The following APBB2 variants were observed in gnomAD, a reference collection of about 807,000 sequenced individuals.
APBB2 encodes amyloid beta precursor protein binding family B member 2.
In APBB2, 38 loss-of-function variants were observed where a neutral mutation model predicts 82.5. That is an observed-to-expected ratio of 0.46 (90% confidence interval 0.36 to 0.60). The LOEUF (loss-of-function observed/expected upper bound fraction) is 0.60. Among genes scored for constraint, APBB2 ranks in the 20% least tolerant of loss-of-function variants. APBB2 has a pLI of 0.00. For synonymous variants in APBB2, 341 were observed against 368.2 expected (o/e 0.93, Z 0.85); for missense variants, 772 against 972.3 (o/e 0.79, Z 2.74).
chr4:41,159,187 T>C (rs1401625690), intron 1 of APBB2, among the ~76,000 whole-genome samples: 3 of 152,228 alleles, frequency 2.0e-5, no homozygotes, highest in African/African-American at 4.8e-5. Flanking sequence ...GCTGCATCTG[T>C]ACAAGAGAAA....
intron 10 of APBB2, among the ~76,000 whole-genome samples, chr4:40,918,987 C>T (rs1436496226): frequency 6.6e-6 from 1 of 151,960 alleles, no homozygotes; most frequent in African/African-American, 2.4e-5. Flanking sequence ...TAGTATAAAA[C>T]CCCTGTGACT....
chr4:41,037,913 A>G (rs1682652836), intron 4 of APBB2, among the ~76,000 whole-genome samples: 1 of 152,184 alleles, frequency 6.6e-6, no homozygotes, highest in Non-Finnish European at 1.5e-5. Flanking sequence ...CATTGAGAGG[A>G]GAGTCCTTGT....
chr4:40,945,169 T>C, intron 6 of APBB2, 96 bp from the exon 7 acceptor site: 1 of 850,210 alleles, frequency 1.2e-6, no homozygotes, highest in South Asian at 1.5e-5. Context: ...GGCAGACGTG[T>C]CCATAGTCCA....
At chr4:41,050,518 C>G (rs1442193500) in intron 4 of APBB2, among the ~76,000 whole-genome samples, 1 of 152,202 alleles carries the variant, frequency 6.6e-6, no homozygotes, top group East Asian at 1.9e-4. Flanking sequence ...GCCAAGACTT[C>G]TAGTTCCCTT....
chr4:40,831,402 G>GAA (rs140099148), intron 12 of APBB2, among the ~76,000 whole-genome samples: 13 of 142,350 alleles, frequency 9.1e-5, no homozygotes, highest in African/African-American at 3.4e-4. Context: ...AACTCCCTCT[G>GAA]AAAAAAAACA....
At chr4:40,816,969 G>A (rs1745938324) in intron 17 of APBB2, among the ~76,000 whole-genome samples, 1 of 152,170 alleles carries the variant, frequency 6.6e-6, no homozygotes, top group South Asian at 2.1e-4. Flanking sequence ...ATTAGCACTG[G>A]CACCAGGGAT....
At chr4:40,945,102 A>G (rs1170551433) in intron 6 of APBB2, 29 bp from the exon 7 acceptor site, 3 of 1,284,244 alleles carry the variant, frequency 2.3e-6, no homozygotes, top group Admixed American at 3.5e-5. Context: ...GGGCGGGGGG[A>G]GAAAGAGAGA....
chr4:40,910,331 G>C (rs1778211046), intron 10 of APBB2, among the ~76,000 whole-genome samples: 1 of 151,848 alleles, frequency 6.6e-6, no homozygotes, highest in Non-Finnish European at 1.5e-5. Context: ...TCAATCTTCT[G>C]GGCTCAAGTG....
chr4:40,872,289 C>G (rs1429440836), intron 12 of APBB2, among the ~76,000 whole-genome samples: 3 of 152,190 alleles, frequency 2.0e-5, no homozygotes, highest in Admixed American at 2.0e-4. Flanking sequence ...TTGTTATAAG[C>G]CACTGAGATT....
chr4:40,851,098 C>T (rs1759191586), intron 12 of APBB2, among the ~76,000 whole-genome samples: 1 of 151,982 alleles, frequency 6.6e-6, no homozygotes, highest in East Asian at 1.9e-4. Context: ...AAATGCAAGG[C>T]TGTCAAAAAA....
In APBB2 at chr4:41,104,374, C is replaced by G. The variant is rs1298840236; in HGVS notation, c.-260-3624G>C. Among the ~76,000 whole-genome samples, 5 of 152,300 alleles carry G rather than the reference C, an allele frequency of 3.3e-5. No homozygotes were observed. The East Asian group carries it at 9.6e-4, about 29-fold the overall frequency. The stretch of plus-strand genomic sequence containing the variant: ...TTAAGAACTGAAGGCTGAGGATATA[C>G]AGGAATCAAGGGCCAATTTGGGACA... On this transcript the variant is annotated intron_variant, in intron 2 of 17. Transcript: ENST00000508593.
chr4:41,099,741 T>C (rs372609876), intron 3 of APBB2, among the ~76,000 whole-genome samples: 13 of 152,252 alleles, frequency 8.5e-5, no homozygotes, highest in Admixed American at 2.6e-4. Context: ...CTGCCAGAAA[T>C]AGAGTGGAGC....
At position 41,192,612 on chromosome 4, in the gene APBB2, T is replaced by C. The variant is rs924191818; in HGVS notation, c.-417+21793A>G. On this transcript the variant is annotated intron_variant, in intron 1 of 17. Transcript: ENST00000508593. ...AAATTTAATATCAAACATACAGAGA[T>C]AGAGAATAAAACAGTGGAATGGAAT... Among the ~76,000 whole-genome samples the C allele has an allele frequency of 3.9e-4, 60 of 151,948 alleles. 2 individuals carry two copies. The highest frequency in any genetic ancestry group is 5.0e-4 in the Non-Finnish European group (34 of 68,000).
At chr4:41,191,732 C>T (rs145783820) in intron 1 of APBB2, among the ~76,000 whole-genome samples, 69 of 152,260 alleles carry the variant, frequency 4.5e-4, no homozygotes, top group African/African-American at 1.5e-3. Context: ...TTGGATATGA[C>T]GCCAAAAGCC....
intron 10 of APBB2, among the ~76,000 whole-genome samples, chr4:40,910,834 C>CA (rs1778343611): frequency 6.6e-6 from 1 of 152,278 alleles, no homozygotes; most frequent in Non-Finnish European, 1.5e-5. Flanking sequence ...TTAGTTTCCT[C>CA]ATCTGCATCA....
At chr4:41,166,013 A>G (rs1395738107) in intron 1 of APBB2, among the ~76,000 whole-genome samples, 2 of 151,734 alleles carry the variant, frequency 1.3e-5, no homozygotes, top group African/African-American at 4.8e-5. Flanking sequence ...AGCTGGGACT[A>G]CAGGCGCCCG....
intron 10 of APBB2, among the ~76,000 whole-genome samples, chr4:40,928,512 A>T (rs1359518519): frequency 6.6e-6 from 1 of 152,062 alleles, no homozygotes; most frequent in Non-Finnish European, 1.5e-5. Context: ...CAGGAGGCAG[A>T]GGTTGCAGTG....
chr4:40,832,009 T>C lies in APBB2; in HGVS notation c.1530-1432A>G, dbSNP rs1467058283. 1.3e-4 allele frequency among the ~76,000 whole-genome samples: 1 copy of C among 7,632 alleles called. No homozygotes were observed. The highest frequency in any genetic ancestry group is 6.4e-4 in the African/African-American group (1 of 1,570). 5.0% of individuals were successfully genotyped at this position (7,632 alleles called of 152,430 possible). A position where few individuals can be genotyped will look rare whatever the true frequency, so the allele number is the denominator to read the frequency against. ...ACACACACATATTTATATATTTATT[T>C]ATATACACACACACACACACACACA... On this transcript the variant is annotated intron_variant, in intron 12 of 17. Transcript: ENST00000508593. This position sits in a 1 kb window ranked among gnomAD's most constrained non-coding sequence, Gnocchi z 4.8.
chr4:40,960,516 C>T (rs1369357330), intron 6 of APBB2, among the ~76,000 whole-genome samples: 19 of 136,912 alleles, frequency 1.4e-4, no homozygotes, highest in Middle Eastern at 4.3e-3. Flanking sequence ...GGTGTGATCT[C>T]GGCTCACTGC....
Sources: allele counts gnomAD v4.1 joint callset (sites outside exome capture counted in the v4.1 genomes callset), GRCh38; gene constraint gnomAD v4.1.1; non-coding constraint Gnocchi (gnomAD v3.1); transcripts MANE v1.5; gene names NCBI Gene and HGNC (gene_info 2026-07-23, HGNC 2026-07-21).